ARHGAP28: variants seen among roughly 807,000 people sequenced by gnomAD.
ARHGAP28 encodes rho GTPase-activating protein 28.
In ARHGAP28, 56 loss-of-function variants were observed where a neutral mutation model predicts 90.7. That is an observed-to-expected ratio of 0.62 (90% CI 0.50 to 0.77). The LOEUF is 0.77. Ranked by LOEUF, ARHGAP28 falls within the 30% of genes least tolerant of loss-of-function variation. ARHGAP28 has a pLI of 0.00. For synonymous variants in ARHGAP28, 308 were observed against 323.3 expected (o/e 0.95, Z 0.51); for missense variants, 869 against 900.9 (o/e 0.96, Z 0.45).
intron 1 of ARHGAP28, among the ~76,000 whole-genome samples, chr18:6,800,113 C>T (rs764570241): frequency 1.3e-5 from 2 of 152,166 alleles, no homozygotes; most frequent in South Asian, 2.1e-4. Context: ...AAAAAAAGCT[C>T]ATCATCACTG....
In ARHGAP28 at chr18:6,767,370, T is replaced by C. The variant is rs574215213; in HGVS notation, c.122+37427T>C. On this transcript the variant is annotated intron_variant, in intron 1 of 17. Coordinates refer to ENST00000383472, the MANE Select transcript of ARHGAP28 (RefSeq NM_001366230.1). The stretch of plus-strand genomic sequence containing the variant: ...TTTTAAAGAAATCAAAATAAGAAAA[T>C]AGTTTCTTTTATATGTAGCCATATA... Among the ~76,000 whole-genome samples the C allele has an allele frequency of 4.6e-5, 7 of 152,272 alleles. No individual in the cohort carries two copies. In the South Asian group the frequency reaches 1.5e-3, roughly 32 times the overall value.
intron 3 of ARHGAP28, among the ~76,000 whole-genome samples, chr18:6,840,317 T>G (rs534158907): frequency 6.6e-6 from 1 of 152,332 alleles, no homozygotes; most frequent in Non-Finnish European, 1.5e-5. Context: ...AATTTTGCTT[T>G]TCTCTAGGAA....
intron 16 of ARHGAP28, among the ~76,000 whole-genome samples, chr18:6,900,213 A>T (rs1406492421): frequency 6.6e-6 from 1 of 152,126 alleles, no homozygotes; most frequent in Non-Finnish European, 1.5e-5. Context: ...AAAAAATGAA[A>T]ATTAAATAAG....
chr18:6,822,221 A>C (rs2056631514), intron 1 of ARHGAP28, among the ~76,000 whole-genome samples: 1 of 152,186 alleles, frequency 6.6e-6, no homozygotes, highest in African/African-American at 2.4e-5. Context: ...CATGTTTACT[A>C]TTAAGACTGT....
At chr18:6,851,216 A>C (rs1379992939) in intron 4 of ARHGAP28, 90 bp downstream of exon 4, 1 of 1,144,598 alleles carries the variant, frequency 8.7e-7, no homozygotes, top group Non-Finnish European at 1.3e-6. Flanking sequence ...AGTGCAACAT[A>C]ATTAAGATGG....
chr18:6,840,490 C>G (rs1016099962), intron 3 of ARHGAP28, among the ~76,000 whole-genome samples: 3 of 152,096 alleles, frequency 2.0e-5, no homozygotes, highest in Admixed American at 1.3e-4. Context: ...ATTTAGACCA[C>G]GAAGGGAAAG....
rs779694404 is a variant in ARHGAP28 at position 6,870,779 on chromosome 18, A to G, written c.954+47A>G. Reference sequence around the variant, plus strand: ...TATTCCAGGAACTTCCTGTGACTTCATAGGACAAAACTAAGATTTCTTTTT... The same window carrying G: ...TATTCCAGGAACTTCCTGTGACTTCGTAGGACAAAACTAAGATTTCTTTTT... On this transcript the variant is annotated intron_variant, in intron 7 of 17. Coordinates refer to ENST00000383472, the MANE Select transcript of ARHGAP28 (RefSeq NM_001366230.1). 8 of 1,543,878 alleles carry G rather than the reference A, an allele frequency of 5.2e-6. No individual in the cohort carries two copies. In the Admixed American group the frequency reaches 8.6e-5, roughly 17 times the overall value.
At chr18:6,870,870 G>C (rs529005600) in intron 7 of ARHGAP28, 138 bp downstream of exon 7, 17 of 860,006 alleles carry the variant, frequency 2.0e-5, no homozygotes, top group Middle Eastern at 4.1e-4. Flanking sequence ...GCGCGATCTC[G>C]GCTCACTGCA....
chr18:6,862,323 T>G (rs536620055), intron 5 of ARHGAP28, among the ~76,000 whole-genome samples: 1 of 152,266 alleles, frequency 6.6e-6, no homozygotes, highest in Non-Finnish European at 1.5e-5. Flanking sequence ...AAACCTCTCC[T>G]GCCAGGCTAA....
At chr18:6,884,454 G>T (rs1019810131) in intron 11 of ARHGAP28, among the ~76,000 whole-genome samples, 1 of 152,206 alleles carries the variant, frequency 6.6e-6, no homozygotes, top group Non-Finnish European at 1.5e-5. Context: ...TTGAGAATGG[G>T]TTACACTTTC....
intron 1 of ARHGAP28, among the ~76,000 whole-genome samples, chr18:6,793,376 G>C (rs560973520): frequency 6.6e-6 from 1 of 152,266 alleles, no homozygotes; most frequent in African/African-American, 2.4e-5. Flanking sequence ...CATGGACGCT[G>C]TTCTTATGTG....
chr18:6,812,351 T>C (rs2056562827), intron 1 of ARHGAP28, among the ~76,000 whole-genome samples: 1 of 152,182 alleles, frequency 6.6e-6, no homozygotes, highest in Non-Finnish European at 1.5e-5. Flanking sequence ...ATAAGTGAAA[T>C]GCAAGATCTT....
At chr18:6,748,554 G>A (rs1329280870) in intron 1 of ARHGAP28, among the ~76,000 whole-genome samples, 2 of 152,146 alleles carry the variant, frequency 1.3e-5, no homozygotes, top group Non-Finnish European at 2.9e-5. Flanking sequence ...TGGCTGATGT[G>A]AGAAAGCTGA....
At chr18:6,803,472 A>G (rs1164968565) in intron 1 of ARHGAP28, among the ~76,000 whole-genome samples, 5 of 152,020 alleles carry the variant, frequency 3.3e-5, no homozygotes, top group Non-Finnish European at 7.4e-5. Context: ...TATAGAGTAG[A>G]TTGATTTGCT....
intron 17 of ARHGAP28, among the ~76,000 whole-genome samples, chr18:6,910,742 T>C (rs996561962): frequency 6.6e-6 from 1 of 152,154 alleles, no homozygotes; most frequent in African/African-American, 2.4e-5. Flanking sequence ...ACCCAGCCCC[T>C]AGAATAGTGC....
chr18:6,750,967 A>G (rs1443650312), intron 1 of ARHGAP28, among the ~76,000 whole-genome samples: 2 of 152,168 alleles, frequency 1.3e-5, no homozygotes, highest in African/African-American at 4.8e-5. Flanking sequence ...AGTTAGAGCC[A>G]TAAATTTATT....
intron 3 of ARHGAP28, among the ~76,000 whole-genome samples, chr18:6,840,735 G>T (rs2056800963): frequency 1.3e-5 from 2 of 152,190 alleles, no homozygotes; most frequent in Admixed American, 1.3e-4. Context: ...GACTAAGGAA[G>T]TGGGTGGGCA....
At chr18:6,806,357 AAAT>A (rs2056519156) in intron 1 of ARHGAP28, among the ~76,000 whole-genome samples, 1 of 152,292 alleles carries the variant, frequency 6.6e-6, no homozygotes. Flanking sequence ...CTGAGGTTAA[AAAT>A]AAACTGAGTA....
chr18:6,788,449 T>G (rs1447842782), intron 1 of ARHGAP28: 1 of 152,424 alleles, frequency 6.6e-6, no homozygotes, highest in Non-Finnish European at 1.5e-5. Context: ...TCTTTTTGTT[T>G]TTTTGTTTGT....
Sources: allele counts gnomAD v4.1 joint callset (sites outside exome capture counted in the v4.1 genomes callset), GRCh38; gene constraint gnomAD v4.1.1; transcripts MANE v1.5; gene names NCBI Gene and HGNC (gene_info 2026-07-23, HGNC 2026-07-21).